CAMTA1: variants seen among roughly 807,000 people sequenced by gnomAD.
CAMTA1 encodes calmodulin binding transcription activator 1.
A neutral mutation model predicts 170.9 loss-of-function variants in CAMTA1; 27 were observed. The observed-to-expected ratio is 0.16, with a 90% CI of 0.12 to 0.22. CAMTA1 has a LOEUF of 0.22. Among genes scored for constraint, CAMTA1 ranks in the 10% least tolerant of loss-of-function variants. CAMTA1 has a pLI of 1.00. For synonymous variants in CAMTA1, 833 were observed against 891.5 expected (o/e 0.93, Z 1.17); for missense variants, 1,619 against 2,217.2 (o/e 0.73, Z 5.42).
intron 3 of CAMTA1, among the ~76,000 whole-genome samples, chr1:6,903,937 C>T (rs979509262): frequency 6.6e-6 from 1 of 152,220 alleles, no homozygotes; most frequent in Non-Finnish European, 1.5e-5. Context: ...TTGGGCAAGA[C>T]TTCTATCATT....
intron 6 of CAMTA1, among the ~76,000 whole-genome samples, chr1:7,610,134 C>A (rs191050249): frequency 3.8e-4 from 58 of 152,340 alleles, no homozygotes; most frequent in African/African-American, 1.3e-3. Flanking sequence ...CAAAAACACA[C>A]ACACACACGT....
intron 11 of CAMTA1, chr1:7,694,011 T>C (rs2096347828): frequency 6.6e-6 from 1 of 152,210 alleles, no homozygotes; most frequent in African/African-American, 2.4e-5. Flanking sequence ...CAAACTCCAA[T>C]CAGGCATGAT....
chr1:6,964,793 T>G (rs889568656), intron 3 of CAMTA1, among the ~76,000 whole-genome samples: 1 of 152,204 alleles, frequency 6.6e-6, no homozygotes, highest in African/African-American at 2.4e-5. Context: ...TATATGTTGC[T>G]TGTGAGATGC....
chr1:7,404,169 G>A (rs761721092), intron 5 of CAMTA1, among the ~76,000 whole-genome samples: 3 of 152,070 alleles, frequency 2.0e-5, no homozygotes, highest in Non-Finnish European at 4.4e-5. Flanking sequence ...CCCCACTCCC[G>A]ACACCACCCA....
chr1:7,014,835 G>A lies in CAMTA1; in HGVS notation c.235-76469G>A, dbSNP rs1029825796. 2.6e-5 allele frequency among the ~76,000 whole-genome samples: 4 copies of A among 152,102 alleles called. No homozygotes were observed. Among genetic ancestry groups the A allele is most frequent in the African/African-American group, 9.7e-5 (4 of 41,442 alleles). On this transcript the variant is annotated intron_variant, in intron 3 of 22. Coordinates refer to ENST00000303635, the MANE Select transcript of CAMTA1 (RefSeq NM_015215.4). The surrounding 1 kb of genome is among the most constrained non-coding windows in gnomAD (Gnocchi z 4.2). ...CATGTCGGGGGCCGGGTGGGGGAGC[G>A]GGTGGTGGCATCAGTGGGTTTCTGA... is the stretch of plus-strand genomic sequence containing the variant.
In CAMTA1 at chr1:7,224,342, C is replaced by G. The variant is rs1661322397; in HGVS notation, c.303-25149C>G. On this transcript the variant is annotated intron_variant, in intron 4 of 22. Coordinates refer to ENST00000303635, the MANE Select transcript of CAMTA1 (RefSeq NM_015215.4). The surrounding 1 kb of genome is among the most constrained non-coding windows in gnomAD (Gnocchi z 5.2). ...CACTGGATGGCCTAAATTTGCACCG[C>G]TCTGCAGGCTCTCGTCCCAGTTGGC... is the stretch of plus-strand genomic sequence containing the variant. 6.6e-6 allele frequency among the ~76,000 whole-genome samples: 1 copy of G among 152,192 alleles called. No individual in the cohort carries two copies. Among genetic ancestry groups the G allele is most frequent in the Admixed American group, 6.5e-5 (1 of 15,288 alleles).
chr1:6,926,478 TTCTTTCTTTC>T (rs1447896019), intron 3 of CAMTA1, among the ~76,000 whole-genome samples: 61 of 124,310 alleles, frequency 4.9e-4, no homozygotes, highest in Non-Finnish European at 7.5e-4. Flanking sequence ...CTTTCTTTCT[TTCTTTCTTTC>T]TCTCTCTCTT....
Position 6,888,084 on chromosome 1 carries a change from C to T in CAMTA1, c.234+62874C>T, listed in dbSNP as rs1308855548. On this transcript the variant is annotated intron_variant, in intron 3 of 22. Transcript: ENST00000303635. ...GGTATGTTTTCCAGTCAGTTACCAC[C>T]TGTCTCATCAGAATGGAAGCTCCAT... 5.8e-6 allele frequency: 6 copies of T among 1,027,716 alleles called. No individual in the cohort carries two copies. In the Admixed American group the frequency reaches 2.9e-4, roughly 50 times the overall value. 63.7% of individuals were successfully genotyped at this position (1,027,716 alleles called of 1,614,324 possible).
rs371605002 is a variant in CAMTA1, at chr1:7,653,381, G to A, written c.665-8345G>A. Among the ~76,000 whole-genome samples the A allele has an allele frequency of 7.2e-5, 11 of 152,106 alleles. No homozygotes were observed. In the South Asian group the frequency reaches 1.0e-3, roughly 14 times the overall value. On this transcript the variant is annotated intron_variant, in intron 7 of 22. Transcript: ENST00000303635. ...GGGCTCAGGTGATCCTCCTGCCTCC[G>A]CCTCCCATGTAGCTGGGATTACAGG...
chr1:7,597,900 C>T (rs1294417538), intron 6 of CAMTA1, among the ~76,000 whole-genome samples: 2 of 149,930 alleles, frequency 1.3e-5, no homozygotes, highest in Non-Finnish European at 3.0e-5. Flanking sequence ...TATACATATG[C>T]CGTGGTGGTT....
chr1:7,199,522 C>T (rs1464394353), intron 4 of CAMTA1, among the ~76,000 whole-genome samples: 1 of 152,198 alleles, frequency 6.6e-6, no homozygotes, highest in Non-Finnish European at 1.5e-5. Flanking sequence ...TGGTGCACAA[C>T]CCCCTTCCCC....
intron 6 of CAMTA1, among the ~76,000 whole-genome samples, chr1:7,556,010 C>G (rs1275221129): frequency 6.6e-6 from 1 of 152,190 alleles, no homozygotes; most frequent in Non-Finnish European, 1.5e-5. Context: ...GGGCAGGCCA[C>G]GTCACACAGG....
chr1:7,206,723 A>T (rs577409917), intron 4 of CAMTA1, among the ~76,000 whole-genome samples: 1 of 151,982 alleles, frequency 6.6e-6, no homozygotes, highest in South Asian at 2.1e-4. Context: ...TTCTGTTCTC[A>T]CTCCTTTCTG....
At chr1:7,075,536 C>T (rs955842459) in intron 3 of CAMTA1, among the ~76,000 whole-genome samples, 2 of 152,278 alleles carry the variant, frequency 1.3e-5, no homozygotes, top group East Asian at 1.9e-4. Flanking sequence ...AGCAGCCCAT[C>T]GCTCCCTTCC....
intron 5 of CAMTA1, among the ~76,000 whole-genome samples, chr1:7,344,841 G>A (rs2084108541): frequency 6.6e-6 from 1 of 151,216 alleles, no homozygotes; most frequent in African/African-American, 2.4e-5. Context: ...TCTGCCTCCT[G>A]GGTTCATCCC....
At chr1:7,643,305 G>A (rs1013182776) in intron 7 of CAMTA1, among the ~76,000 whole-genome samples, 6 of 152,184 alleles carry the variant, frequency 3.9e-5, no homozygotes, top group East Asian at 3.8e-4. Flanking sequence ...CCATATGGCC[G>A]GGGAGCAGCC....
At chr1:7,447,376 G>A (rs1162195108) in intron 5 of CAMTA1, among the ~76,000 whole-genome samples, 1 of 133,848 alleles carries the variant, frequency 7.5e-6, no homozygotes, top group Non-Finnish European at 1.6e-5. Flanking sequence ...GTGAAGTCAG[G>A]TTGATAGTGT....
In CAMTA1 at chr1:6,991,783, C is replaced by T. The variant is rs140075897; in HGVS notation, c.235-99521C>T. 4.5e-3 allele frequency among the ~76,000 whole-genome samples: 687 copies of T among 152,160 alleles called. 4 individuals are homozygous for T. Among genetic ancestry groups the T allele is most frequent in the Admixed American group, 0.011 (164 of 15,284 alleles). ...GAGTGATCTCGGTTTACTGCAGTCTCCCCTTCCTGGGTTGAAGCGATTCTC... is the reference window on the plus strand; with the variant it reads ...GAGTGATCTCGGTTTACTGCAGTCTTCCCTTCCTGGGTTGAAGCGATTCTC... On this transcript the variant is annotated intron_variant, in intron 3 of 22. Coordinates refer to ENST00000303635, the MANE Select transcript of CAMTA1 (RefSeq NM_015215.4).
chr1:7,606,959 AG>A (rs1397452147), intron 6 of CAMTA1, among the ~76,000 whole-genome samples: 1 of 152,260 alleles, frequency 6.6e-6, no homozygotes, highest in Non-Finnish European at 1.5e-5. Flanking sequence ...CCTCAGCACC[AG>A]GAGAGTTAGC....
Sources: allele counts gnomAD v4.1 joint callset (sites outside exome capture counted in the v4.1 genomes callset), GRCh38; gene constraint gnomAD v4.1.1; non-coding constraint Gnocchi (gnomAD v3.1); transcripts MANE v1.5; gene names NCBI Gene and HGNC (gene_info 2026-07-23, HGNC 2026-07-21).